PKNOX2: variants seen among roughly 807,000 people sequenced by gnomAD.
The protein encoded by PKNOX2 is PBX/knotted 1 homeobox 2, also known as homeobox protein PKNOX2.
PKNOX2 carries 14 observed loss-of-function variants against 53.1 expected under a neutral mutation model. The observed-to-expected ratio is 0.26, with a 90% CI of 0.17 to 0.41. The LOEUF (loss-of-function observed/expected upper bound fraction) is 0.41. PKNOX2 is among the 10% of genes least tolerant of loss of function. The probability of loss-of-function intolerance (pLI) is 1.00; values close to 1 mark genes in which losing one functional copy is unlikely to be tolerated. For synonymous variants in PKNOX2, 257 were observed against 242.8 expected (o/e 1.06, Z -0.54); for missense variants, 496 against 602.8 (o/e 0.82, Z 1.85).
intron 1 of PKNOX2, among the ~76,000 whole-genome samples, chr11:125,177,342 C>A (rs1011518130): frequency 6.6e-6 from 1 of 152,126 alleles, no homozygotes; most frequent in Non-Finnish European, 1.5e-5. Flanking sequence ...GCTTAAGTGA[C>A]AAGGGCTATA....
chr11:125,378,258 G>C (rs1045690407), intron 5 of PKNOX2, among the ~76,000 whole-genome samples: 2 of 152,244 alleles, frequency 1.3e-5, no homozygotes, highest in African/African-American at 4.8e-5. Flanking sequence ...TTGGTAGCCA[G>C]AGCGCCACCG....
chr11:125,193,732 C>T (rs1189319990), intron 1 of PKNOX2, among the ~76,000 whole-genome samples: 2 of 152,138 alleles, frequency 1.3e-5, no homozygotes, highest in Admixed American at 6.6e-5. Flanking sequence ...TGAACCAAGA[C>T]CCAGTGTCCT....
At chr11:125,412,210 G>A (rs1354091111) in intron 10 of PKNOX2, among the ~76,000 whole-genome samples, 1 of 152,176 alleles carries the variant, frequency 6.6e-6, no homozygotes, top group African/African-American at 2.4e-5. Context: ...GGTGGTTTCT[G>A]GTCCAGAGCC....
intron 1 of PKNOX2, among the ~76,000 whole-genome samples, chr11:125,220,321 T>C (rs970798739): frequency 1.3e-5 from 2 of 152,224 alleles, no homozygotes; most frequent in East Asian, 1.9e-4. Flanking sequence ...ACACAAACAC[T>C]GTGCAAATCC....
At chr11:125,188,576 C>G (rs187726456) in intron 1 of PKNOX2, among the ~76,000 whole-genome samples, 2 of 152,274 alleles carry the variant, frequency 1.3e-5, no homozygotes, top group Non-Finnish European at 2.9e-5. Context: ...AGAGGTAACT[C>G]TTTCTGAGGA....
chr11:125,206,458 G>A (rs1939121644), intron 1 of PKNOX2, among the ~76,000 whole-genome samples: 1 of 152,074 alleles, frequency 6.6e-6, no homozygotes, highest in South Asian at 2.1e-4. Context: ...CCAAGGAGTG[G>A]CAAGAGATGA....
At chr11:125,301,851 A>G (rs1948091522) in intron 2 of PKNOX2, among the ~76,000 whole-genome samples, 1 of 152,172 alleles carries the variant, frequency 6.6e-6, no homozygotes, top group South Asian at 2.1e-4. Flanking sequence ...GATTTTGCAG[A>G]TGTAATTTAA....
At chr11:125,289,097 C>T (rs547711907) in intron 2 of PKNOX2, among the ~76,000 whole-genome samples, 10 of 152,218 alleles carry the variant, frequency 6.6e-5, no homozygotes, top group East Asian at 1.9e-4. Flanking sequence ...CTAGGTGCTG[C>T]GGTGTAGAGA....
Position 125,392,965 on chromosome 11 carries a change from T to G in PKNOX2, c.400-4909T>G, listed in dbSNP as rs1954148808. On this transcript the variant is annotated intron_variant, in intron 6 of 12. Transcript: ENST00000298282. ...TGAGGTCAGGAGATCGAGACTATCC[T>G]GGGAAACACAGTGAAACCCTGTCTC... Among the ~76,000 whole-genome samples, 3 of 151,806 alleles carry G rather than the reference T, an allele frequency of 2.0e-5. No individual in the cohort carries two copies. In the South Asian group the frequency reaches 6.2e-4, roughly 32 times the overall value.
chr11:125,198,778 C>T (rs1227037490), intron 1 of PKNOX2, among the ~76,000 whole-genome samples: 3 of 151,906 alleles, frequency 2.0e-5, no homozygotes, highest in Non-Finnish European at 2.9e-5. Flanking sequence ...TCTACTCCCT[C>T]ACCTCTCCCT....
At chr11:125,358,891 A>G (rs1951765329) in intron 4 of PKNOX2, among the ~76,000 whole-genome samples, 1 of 152,342 alleles carries the variant, frequency 6.6e-6, no homozygotes, top group Admixed American at 6.5e-5. Context: ...CAGCCCGCTC[A>G]TGAGACAGGC....
chr11:125,239,644 G>T (rs531881518), intron 2 of PKNOX2: 1 of 152,218 alleles, frequency 6.6e-6, no homozygotes, highest in Non-Finnish European at 1.5e-5. Flanking sequence ...CAGAGTGCCC[G>T]CAAGAAATCA....
At chr11:125,306,983 C>G (rs377613996) in intron 2 of PKNOX2, among the ~76,000 whole-genome samples, 2 of 152,196 alleles carry the variant, frequency 1.3e-5, no homozygotes, top group South Asian at 2.1e-4. Flanking sequence ...GCCTCTTCCT[C>G]CCCGTTTCTC....
chr11:125,367,150 TTAGA>T (rs1952231566), intron 4 of PKNOX2, among the ~76,000 whole-genome samples: 1 of 152,234 alleles, frequency 6.6e-6, no homozygotes, highest in Admixed American at 6.5e-5. Flanking sequence ...AAACAAAACC[TTAGA>T]TAGAAAATCT....
intron 2 of PKNOX2, among the ~76,000 whole-genome samples, chr11:125,280,647 C>T (rs921107324): frequency 6.6e-6 from 1 of 152,122 alleles, no homozygotes; most frequent in African/African-American, 2.4e-5. Context: ...GCGTGGGTTC[C>T]TTTGTGAGTG....
intron 1 of PKNOX2, among the ~76,000 whole-genome samples, chr11:125,173,722 C>T (rs11219942): frequency 0.23 from 34,368 of 152,070 alleles, 4,356 homozygotes; most frequent in Non-Finnish European, 0.29. Flanking sequence ...TGAGTGGGGG[C>T]AGCGAGGCTG....
chr11:125,328,331 G>A (rs572431443), intron 2 of PKNOX2, among the ~76,000 whole-genome samples: 19 of 151,910 alleles, frequency 1.3e-4, no homozygotes, highest in African/African-American at 1.9e-4. Flanking sequence ...GGGAGAGAGC[G>A]GGGGAGAGAG....
intron 4 of PKNOX2, among the ~76,000 whole-genome samples, chr11:125,357,710 G>A (rs1012086741): frequency 1.3e-5 from 2 of 152,064 alleles, no homozygotes; most frequent in Non-Finnish European, 2.9e-5. Flanking sequence ...GGTGAGTTAG[G>A]GCCCCAGGAT....
chr11:125,410,017 C>G, intron 7 of PKNOX2, 179 bp from the exon 8 acceptor site: 1 of 768,848 alleles, frequency 1.3e-6, no homozygotes, highest in Non-Finnish European at 2.0e-6. Context: ...TTTAATTGAG[C>G]CTTCTTATTC....
Sources: gnomAD v4.1 joint callset for allele counts (sites outside exome capture counted in the v4.1 genomes callset) on GRCh38, gnomAD v4.1.1 for gene constraint, MANE v1.5 for transcripts, NCBI Gene and HGNC (gene_info 2026-07-23, HGNC 2026-07-21) for gene names.